ECT2: variants seen among roughly 807,000 people sequenced by gnomAD.
ECT2 encodes the protein protein ECT2.
Under a neutral mutation model 116.9 loss-of-function variants are expected in ECT2, and 61 were observed. The ratio of observed to expected loss-of-function variants is 0.52; its 90% CI spans 0.42 to 0.65. The LOEUF (loss-of-function observed/expected upper bound fraction) is 0.65. Among genes scored for constraint, ECT2 ranks in the 30% least tolerant of loss-of-function variants. ECT2 has a pLI of 0.00. For synonymous variants in ECT2, 358 were observed against 346.4 expected (o/e 1.03, Z -0.37); for missense variants, 937 against 1,078.7 (o/e 0.87, Z 1.84).
chr3:172,755,092 A>G (rs1716691201), intron 2 of ECT2, among the ~76,000 whole-genome samples: 1 of 151,740 alleles, frequency 6.6e-6, no homozygotes, highest in African/African-American at 2.4e-5. Flanking sequence ...ATACCCTGCT[A>G]CAATATGGTT....
At chr3:172,792,565 T>G (rs1017008883) in intron 18 of ECT2, among the ~76,000 whole-genome samples, 3 of 152,216 alleles carry the variant, frequency 2.0e-5, no homozygotes, top group African/African-American at 7.2e-5. Context: ...TCATCCATTT[T>G]CATGTTGATG....
chr3:172,803,658 A>G (rs888061732), intron 20 of ECT2, among the ~76,000 whole-genome samples: 5 of 152,188 alleles, frequency 3.3e-5, no homozygotes, highest in Middle Eastern at 3.2e-3. Flanking sequence ...TCATTTTGAT[A>G]AAACAGACAT....
At chr3:172,775,944 A>G (rs1721584657) in intron 14 of ECT2, among the ~76,000 whole-genome samples, 1 of 152,028 alleles carries the variant, frequency 6.6e-6, no homozygotes, top group South Asian at 2.1e-4. Context: ...GTAGGTTTTT[A>G]TCTTGGTGTT....
intron 18 of ECT2, among the ~76,000 whole-genome samples, chr3:172,790,931 GA>G (rs1415395912): frequency 6.6e-6 from 1 of 152,212 alleles, no homozygotes; most frequent in African/African-American, 2.4e-5. Flanking sequence ...AAGGTGGGCA[GA>G]TCACTTGAGG....
At chr3:172,816,159 T>C (rs1441011843) in intron 23 of ECT2, among the ~76,000 whole-genome samples, 1 of 152,144 alleles carries the variant, frequency 6.6e-6, no homozygotes, top group Non-Finnish European at 1.5e-5. Flanking sequence ...ATGTTGATAA[T>C]AGGCTTTTTT....
chr3:172,818,501 C>A, intron 24 of ECT2: 1 of 1,147,070 alleles, frequency 8.7e-7, no homozygotes, highest in South Asian at 1.8e-5. Context: ...AAAATACCTT[C>A]AAGACATTAA....
intron 13 of ECT2, 116 bp downstream of exon 13, chr3:172,769,259 G>A (rs1160555578): frequency 1.9e-6 from 2 of 1,025,802 alleles, no homozygotes; most frequent in Non-Finnish European, 2.7e-6. Context: ...GAACATGGAT[G>A]TTAAAAATGG....
Position 172,815,713 on chromosome 3 carries a change from T to G in ECT2, c.2508+2T>G. On this transcript the variant is annotated splice_donor_variant, in intron 23 of 24. Transcript: ENST00000392692. LOFTEE classifies it high-confidence loss of function. The stretch of plus-strand genomic sequence containing the variant: ...GCAATAAAAAAGACTTCAAAAAAGG[T>G]GAGTTTTAGTGAAAGTATTATTTAG... 1 of 1,541,788 alleles carries G rather than the reference T, an allele frequency of 6.5e-7. No individual in the cohort carries two copies. The highest frequency in any genetic ancestry group is 8.9e-7 in the Non-Finnish European group (1 of 1,124,022).
intron 18 of ECT2, among the ~76,000 whole-genome samples, chr3:172,792,893 T>C (rs1474554541): frequency 6.6e-6 from 1 of 152,106 alleles, no homozygotes; most frequent in Non-Finnish European, 1.5e-5. Context: ...TACTTTTTTG[T>C]ATTTTTTGTG....
intron 15 of ECT2, 54 bp from the exon 16 acceptor site, chr3:172,783,745 C>A: frequency 8.5e-7 from 1 of 1,174,594 alleles, no homozygotes; most frequent in Non-Finnish European, 1.3e-6. Context: ...GTTACATTGT[C>A]TCTAAGGGTG....
rs372362802 is a variant in ECT2 at position 172,774,031 on chromosome 3, G to C, written c.1548+9G>C. 1.2e-4 allele frequency: 192 copies of C among 1,607,438 alleles called. No homozygotes were observed. The highest frequency in any genetic ancestry group is 1.5e-4 in the Non-Finnish European group (182 of 1,174,818). Reference sequence around the variant, plus strand: ...TACACACTAAGATAAAGGTAAATTTGTATATGTTAGATTGGTAGTAATTTT... The same window carrying C: ...TACACACTAAGATAAAGGTAAATTTCTATATGTTAGATTGGTAGTAATTTT... On this transcript the variant is annotated intron_variant, in intron 14 of 24. Coordinates refer to ENST00000392692, the MANE Select transcript of ECT2 (RefSeq NM_001258315.2).
At chr3:172,785,348 T>A (rs1263598402) in intron 17 of ECT2, among the ~76,000 whole-genome samples, 2 of 152,124 alleles carry the variant, frequency 1.3e-5, no homozygotes, top group Non-Finnish European at 2.9e-5. Flanking sequence ...GTATGTATAT[T>A]TTGTTACATT....
intron 2 of ECT2, among the ~76,000 whole-genome samples, chr3:172,754,875 A>G (rs958144280): frequency 3.3e-5 from 5 of 152,108 alleles, no homozygotes; most frequent in African/African-American, 9.7e-5. Context: ...GAGGCATCTT[A>G]ATTTGGATAT....
chr3:172,797,273 A>G (rs970818467), intron 18 of ECT2, among the ~76,000 whole-genome samples: 1 of 151,740 alleles, frequency 6.6e-6, no homozygotes, highest in African/African-American at 2.4e-5. Context: ...GGGTTCAAGC[A>G]ATCCACCGGC....
chr3:172,828,615 CTTT>C, the ECT2 span: 356 of 154,218 alleles, frequency 2.3e-3, no homozygotes, highest in Middle Eastern at 5.9e-3. Context: ...AAACTGGTAT[CTTT>C]TTTTTTTTTT....
chr3:172,816,638 C>T (rs10936738), intron 23 of ECT2, 53 bp from the exon 24 acceptor site: 896,508 of 1,475,728 alleles, frequency 0.61, 275,522 homozygotes, highest in East Asian at 0.85. Context: ...TAAATATTCT[C>T]ATCAGCTGTA....
intron 13 of ECT2, 121 bp from the exon 14 acceptor site, chr3:172,773,782 G>T (rs1158557495): frequency 2.0e-6 from 2 of 993,376 alleles, no homozygotes; most frequent in African/African-American, 3.3e-5. Flanking sequence ...AATTTAGGGA[G>T]AGTATTTTTT....
intron 18 of ECT2, among the ~76,000 whole-genome samples, chr3:172,792,591 C>T (rs536484021): frequency 6.6e-6 from 1 of 151,868 alleles, no homozygotes; most frequent in African/African-American, 2.4e-5. Context: ...TTGGTTGTTT[C>T]CAGTTCTTGG....
intron 12 of ECT2, among the ~76,000 whole-genome samples, chr3:172,767,776 C>T (rs538773463): frequency 1.1e-4 from 17 of 149,428 alleles, no homozygotes; most frequent in African/African-American, 4.1e-4. Flanking sequence ...AGTGTGGTGG[C>T]GTGGGAGTGT....
Sources: allele counts gnomAD v4.1 joint callset (sites outside exome capture counted in the v4.1 genomes callset), GRCh38; gene constraint gnomAD v4.1.1; transcripts MANE v1.5; gene names NCBI Gene and HGNC (gene_info 2026-07-23, HGNC 2026-07-21).